Variants in RAI1 observed in about 807,000 individuals in gnomAD.
The protein encoded by RAI1 is retinoic acid-induced protein 1.
A neutral mutation model predicts 123.8 loss-of-function variants in RAI1; 9 were observed. The observed-to-expected ratio is 0.07, with a 90% CI of 0.04 to 0.13. The LOEUF is 0.13. Among genes scored for constraint, RAI1 ranks in the 10% least tolerant of loss-of-function variants. RAI1 has a pLI of 1.00. For missense variants in RAI1, 2,256 were observed against 2,545.8 expected (o/e 0.89, Z 2.45); for synonymous variants, 1,231 against 1,127.3 (o/e 1.09, Z -1.84).
intron 1 of RAI1, among the ~76,000 whole-genome samples, chr17:17,713,115 C>T (rs1205575815): frequency 6.6e-6 from 1 of 151,954 alleles, no homozygotes; most frequent in Non-Finnish European, 1.5e-5. Flanking sequence ...TGAGTTGTCC[C>T]CTTTAAAAGG....
intron 2 of RAI1, among the ~76,000 whole-genome samples, chr17:17,747,968 G>A (rs2029992183): frequency 6.6e-6 from 1 of 152,166 alleles, no homozygotes; most frequent in Admixed American, 6.5e-5. Flanking sequence ...GGAGGCTAAG[G>A]CTGGAAGATC....
At position 17,795,170 on chromosome 17, in the gene RAI1, C is replaced by T. The variant is rs1212488038; in HGVS notation, c.2222C>T (p.Ala741Val). The T allele has an allele frequency of 6.2e-7, 1 of 1,614,022 alleles. No homozygotes were observed. The highest frequency in any genetic ancestry group is 2.2e-5 in the East Asian group (1 of 44,880). The change falls in exon 3 of 6, where the codon GCC becomes GTC. Residue 741 changes from alanine to valine, a missense_variant. This residue lies in a region of RAI1 where 566 missense variants were observed against 616.0 expected (regional missense o/e 0.92). Transcript: ENST00000353383. The surrounding 1 kb of genome is among the most constrained non-coding windows in gnomAD (Gnocchi z 5.9). ...ACCGCTGCCAGCTCAGCGGACAGCG[C>T]CAACCCCTTTGCCTGGCCAGAGGAA... is the stretch of plus-strand genomic sequence containing the variant. ...DTTAASSADS[A>V]NPFAWPEENL...
chr17:17,759,373 GGC>G (rs1432973517), intron 2 of RAI1: 2 of 152,176 alleles, frequency 1.3e-5, no homozygotes, highest in Non-Finnish European at 2.9e-5. Flanking sequence ...TGCGTCCGTT[GGC>G]AGTCTCTCCA....
intron 2 of RAI1, among the ~76,000 whole-genome samples, chr17:17,746,614 CTTTTT>C (rs934770775): frequency 7.0e-6 from 1 of 143,104 alleles, no homozygotes; most frequent in Admixed American, 7.0e-5. Flanking sequence ...TATGTGTTTT[CTTTTT>C]TTTTCTTTTC....
intron 4 of RAI1, chr17:17,804,139 G>T: frequency 2.1e-6 from 1 of 476,856 alleles, no homozygotes; most frequent in Non-Finnish European, 4.0e-6. Flanking sequence ...AGCCATCATT[G>T]CCAAGGGGCA....
In RAI1 at chr17:17,714,056, T is replaced by C. The variant is rs937383330; in HGVS notation, c.-148-9972T>C. On this transcript the variant is annotated intron_variant, in intron 1 of 5. Coordinates refer to ENST00000353383, the MANE Select transcript of RAI1 (RefSeq NM_030665.4). This position sits in a 1 kb window ranked among gnomAD's most constrained non-coding sequence, Gnocchi z 4.9. ...CGATGCCTCCACCCAGAGGCTGCCC[T>C]GTTCTGCTTGCATGCCTTCAGCCGC... Among the ~76,000 whole-genome samples, 1 of 152,138 alleles carries C rather than the reference T, an allele frequency of 6.6e-6. No individual in the cohort carries two copies. The highest frequency in any genetic ancestry group is 1.5e-5 in the Non-Finnish European group (1 of 68,026).
At chr17:17,699,232 C>T (rs1915135819) in intron 1 of RAI1, among the ~76,000 whole-genome samples, 1 of 152,152 alleles carries the variant, frequency 6.6e-6, no homozygotes, top group African/African-American at 2.4e-5. Context: ...TTTTGCGCTC[C>T]CTGCCAGGGC....
chr17:17,743,752 T>A (rs926951833), intron 2 of RAI1, among the ~76,000 whole-genome samples: 1 of 152,222 alleles, frequency 6.6e-6, no homozygotes, highest in South Asian at 2.1e-4. Context: ...TTAATCTCAA[T>A]CCTTAGAGGT....
chr17:17,723,194 C>A (rs1335721328), intron 1 of RAI1, among the ~76,000 whole-genome samples: 1 of 151,978 alleles, frequency 6.6e-6, no homozygotes, highest in Non-Finnish European at 1.5e-5. Flanking sequence ...TACACACAAC[C>A]GCACACAGGC....
Position 17,809,964 on chromosome 17 carries a change from T to C in RAI1, c.5710-6T>C. On this transcript the variant is annotated splice_polypyrimidine_tract_variant and splice_region_variant and intron_variant, in intron 5 of 5. Coordinates refer to ENST00000353383, the MANE Select transcript of RAI1 (RefSeq NM_030665.4). This position sits in a 1 kb window ranked among gnomAD's most constrained non-coding sequence, Gnocchi z 4.9. ...TCGGTAACTGGCGGGCGGGCGTCTT[T>C]TGCAGAGGCTGCCGTAGTAATCCAC... The C allele has an allele frequency of 6.4e-7, 1 of 1,555,562 alleles. No homozygotes were observed. The highest frequency in any genetic ancestry group is 8.7e-7 in the Non-Finnish European group (1 of 1,151,490).
intron 2 of RAI1, among the ~76,000 whole-genome samples, chr17:17,760,650 C>T (rs2030652590): frequency 6.6e-6 from 1 of 152,244 alleles, no homozygotes; most frequent in Non-Finnish European, 1.5e-5. Flanking sequence ...TGCTGTGGGG[C>T]CTGGGCCTTG....
chr17:17,751,449 T>A (rs533096965), intron 2 of RAI1, among the ~76,000 whole-genome samples: 2 of 152,280 alleles, frequency 1.3e-5, no homozygotes, highest in South Asian at 4.1e-4. Flanking sequence ...CTCCTAAAAC[T>A]ACTGTTTATC....
In RAI1 at chr17:17,797,006, C is replaced by T; in HGVS notation, c.4058C>T (p.Pro1353Leu). 6.2e-7 allele frequency: 1 copy of T among 1,613,916 alleles called. No homozygotes were observed. The highest frequency in any genetic ancestry group is 1.1e-5 in the South Asian group (1 of 91,090). ...GCATGTAAAGCGCCAGGGGCCTCTC[C>T]TGGTAATCCTCTGAGCCCATCCCTT... is the stretch of plus-strand genomic sequence containing the variant. ...KFACKAPGASPGNPLSPSLSD... is the reference protein window; with the variant it reads ...KFACKAPGASLGNPLSPSLSD... The change falls in exon 3 of 6, where the codon CCT becomes CTT. Residue 1353 changes from proline (P) to leucine (L), a missense_variant. Pro to Leu is a moderately conservative substitution (Grantham distance 98). Around this residue, in one of 7 missense-constraint regions of RAI1, gnomAD observed 322 missense variants for 358.0 expected, o/e 0.90. Coordinates refer to ENST00000353383, the MANE Select transcript of RAI1 (RefSeq NM_030665.4).
intron 1 of RAI1, among the ~76,000 whole-genome samples, chr17:17,717,888 G>A (rs1567845008): frequency 6.6e-6 from 1 of 152,164 alleles, no homozygotes. Flanking sequence ...GGGTCAAGGG[G>A]GGCTTAGACT....
chr17:17,786,848 C>T (rs995426522), intron 2 of RAI1, among the ~76,000 whole-genome samples: 2 of 152,062 alleles, frequency 1.3e-5, no homozygotes, highest in East Asian at 1.9e-4. Context: ...CTGAGGTGGG[C>T]GGATCACCTG....
At position 17,699,526 on chromosome 17, in the gene RAI1, G is replaced by A. The variant is rs146668896; in HGVS notation, c.-149+17733G>A. Among the ~76,000 whole-genome samples, 13 of 151,780 alleles carry A rather than the reference G, an allele frequency of 8.6e-5. No individual in the cohort carries two copies. The East Asian group carries it at 2.5e-3, about 29-fold the overall frequency. On this transcript the variant is annotated intron_variant, in intron 1 of 5. Transcript: ENST00000353383. ...GTTTCCTGAACACCTAGTAATTGCTGGGCACACTGCACTCCATGTTGGACT... is the reference window on the plus strand; with the variant it reads ...GTTTCCTGAACACCTAGTAATTGCTAGGCACACTGCACTCCATGTTGGACT...
intron 2 of RAI1, among the ~76,000 whole-genome samples, chr17:17,758,557 C>T (rs1445904365): frequency 6.6e-6 from 1 of 152,216 alleles, no homozygotes; most frequent in East Asian, 1.9e-4. Context: ...TGTTTACCGA[C>T]TCACCCACCT....
intron 2 of RAI1, among the ~76,000 whole-genome samples, chr17:17,757,750 G>A (rs1201965663): frequency 6.6e-6 from 1 of 152,210 alleles, no homozygotes; most frequent in Admixed American, 6.5e-5. Context: ...CACTTCCGGA[G>A]ACTACTTGAG....
chr17:17,793,763 G>GCTATGAGCTA lies in RAI1; in HGVS notation c.816_817insTATGAGCTAC (p.Arg273TyrfsTer8). The GCTATGAGCTA allele has an allele frequency of 6.2e-7, 1 of 1,609,230 alleles. No homozygotes were observed. The highest frequency in any genetic ancestry group is 8.5e-7 in the Non-Finnish European group (1 of 1,179,564). On this transcript the variant is annotated frameshift_variant, in exon 3 of 6. Transcript: ENST00000353383. LOFTEE classifies it high-confidence loss of function. ...CAGAATCTTCATGCCTACCAGTCGGGCCGCCTCAGCTATGACCAGCAGCAG... is the reference window on the plus strand; with the variant it reads ...CAGAATCTTCATGCCTACCAGTCGGGCTATGAGCTACCGCCTCAGCTATGACCAGCAGCAG...
Sources: gnomAD v4.1 joint callset for allele counts (sites outside exome capture counted in the v4.1 genomes callset) on GRCh38, gnomAD v4.1.1 for gene constraint, gnomAD v4.1.1 regional missense constraint, Gnocchi (gnomAD v3.1) non-coding constraint, MANE v1.5 for transcripts, NCBI Gene and HGNC (gene_info 2026-07-23, HGNC 2026-07-21) for gene names.